The following HMCN1 variants were observed in gnomAD, a reference collection of about 807,000 sequenced individuals.
The protein encoded by HMCN1 is hemicentin 1.
A neutral mutation model predicts 625.9 loss-of-function variants in HMCN1; 321 were observed. That is an observed-to-expected ratio of 0.51 (90% CI 0.47 to 0.56). The LOEUF (loss-of-function observed/expected upper bound fraction) is 0.56, where lower values mean the gene tolerates loss of function less well. HMCN1 is among the 20% of genes least tolerant of loss of function. The pLI is 0.00. For missense variants in HMCN1, 6,588 were observed against 6,887.3 expected (o/e 0.96, Z 1.54); for synonymous variants, 2,425 against 2,417.6 (o/e 1.00, Z -0.09).
chr1:186,084,307 C>T (rs984531383), intron 57 of HMCN1, among the ~76,000 whole-genome samples: 15 of 152,028 alleles, frequency 9.9e-5, no homozygotes, highest in African/African-American at 3.4e-4. Flanking sequence ...TCTTCATAAT[C>T]ATTGCCTCTT....
intron 1 of HMCN1, among the ~76,000 whole-genome samples, chr1:185,755,904 T>C (rs1655105122): frequency 1.3e-5 from 2 of 152,090 alleles, no homozygotes; most frequent in South Asian, 2.1e-4. Context: ...ATCTTTCAAC[T>C]TGGGGTCTCA....
intron 29 of HMCN1, 25 bp downstream of exon 29, chr1:186,003,869 G>C (rs763398139): frequency 6.2e-7 from 1 of 1,610,726 alleles, no homozygotes; most frequent in East Asian, 2.2e-5. Flanking sequence ...TGTATTTGTT[G>C]CAAGGTTTCA....
chr1:185,973,800 A>C (rs1651001110), intron 15 of HMCN1, among the ~76,000 whole-genome samples: 2 of 152,112 alleles, frequency 1.3e-5, no homozygotes, highest in South Asian at 4.1e-4. Flanking sequence ...TACATCAAAC[A>C]AAAAGTTGGC....
chr1:185,994,597 T>C (rs1652657908), intron 23 of HMCN1, among the ~76,000 whole-genome samples: 1 of 152,152 alleles, frequency 6.6e-6, no homozygotes, highest in Non-Finnish European at 1.5e-5. Flanking sequence ...GTACTGGCAT[T>C]ACAGGCTATT....
intron 48 of HMCN1, among the ~76,000 whole-genome samples, chr1:186,064,076 G>A (rs1163241996): frequency 6.6e-6 from 1 of 152,024 alleles, no homozygotes; most frequent in East Asian, 1.9e-4. Flanking sequence ...TTTAAGAAAG[G>A]CAGATATAAA....
At chr1:185,775,434 T>A (rs188124442) in intron 1 of HMCN1, among the ~76,000 whole-genome samples, 2 of 152,214 alleles carry the variant, frequency 1.3e-5, no homozygotes, top group East Asian at 3.9e-4. Flanking sequence ...AAAAATGGAA[T>A]GAGTGAGTCT....
In HMCN1 at chr1:186,000,066, A is replaced by G. The variant is rs773647139; in HGVS notation, c.3896A>G (p.Lys1299Arg). The stretch of plus-strand genomic sequence containing the variant: ...TTAGGTACCCCTAAACCAACCATCA[A>G]ATGGTTACACAATGGTAGAGAGTTG... ...PAKGTPKPTI[K>R]WLHNGRELTG... The change falls in exon 26 of 107, where the codon AAA (lysine) becomes AGA (arginine). Residue 1299 changes from lysine (K) to arginine (R), a missense_variant. Around this residue, in one of 3 missense-constraint regions of HMCN1, gnomAD observed 4,628 missense variants for 4,853.1 expected, o/e 0.95. Coordinates refer to ENST00000271588, the MANE Select transcript of HMCN1 (RefSeq NM_031935.3). 1 of 1,611,982 alleles carries G rather than the reference A, an allele frequency of 6.2e-7. No homozygotes were observed. The highest frequency in any genetic ancestry group is 8.5e-7 in the Non-Finnish European group (1 of 1,178,498).
At chr1:185,942,240 A>C (rs1189954501) in intron 11 of HMCN1, among the ~76,000 whole-genome samples, 1 of 152,136 alleles carries the variant, frequency 6.6e-6, no homozygotes, top group Non-Finnish European at 1.5e-5. Flanking sequence ...TGAATGACTT[A>C]ATAAGTAATT....
intron 11 of HMCN1, among the ~76,000 whole-genome samples, chr1:185,946,888 A>C (rs1354134327): frequency 1.3e-5 from 2 of 152,226 alleles, no homozygotes; most frequent in African/African-American, 4.8e-5. Flanking sequence ...GGAAACAGAA[A>C]CTAGATTCTT....
chr1:185,873,309 C>G (rs140787107), intron 4 of HMCN1, among the ~76,000 whole-genome samples: 1 of 152,106 alleles, frequency 6.6e-6, no homozygotes, highest in South Asian at 2.1e-4. Flanking sequence ...CATTAAAAAT[C>G]CACACTGTCT....
chr1:185,906,555 A>G (rs1238168865), intron 4 of HMCN1, among the ~76,000 whole-genome samples: 2 of 151,932 alleles, frequency 1.3e-5, no homozygotes, highest in Non-Finnish European at 2.9e-5. Flanking sequence ...ACAGACAACA[A>G]GATAGCTTTC....
At chr1:185,802,485 C>G (rs934711969) in intron 1 of HMCN1, among the ~76,000 whole-genome samples, 1 of 152,034 alleles carries the variant, frequency 6.6e-6, no homozygotes, top group African/African-American at 2.4e-5. Context: ...AAGAATAGGC[C>G]TTTAGGAGCT....
chr1:186,184,848 T>C (rs1653181256), intron 105 of HMCN1, among the ~76,000 whole-genome samples: 1 of 152,202 alleles, frequency 6.6e-6, no homozygotes, highest in Non-Finnish European at 1.5e-5. Context: ...ATTTCAATCA[T>C]AATATTCTTA....
intron 97 of HMCN1, among the ~76,000 whole-genome samples, chr1:186,161,771 A>G (rs1386911402): frequency 1.3e-5 from 2 of 152,114 alleles, no homozygotes; most frequent in South Asian, 2.1e-4. Flanking sequence ...TGGCTTGTAG[A>G]GTTTCTGCTG....
Position 186,170,967 on chromosome 1 carries a change from G to A in HMCN1, c.15575-370G>A, listed in dbSNP as rs182926574. ...AGGGGAAGAAAGGACAATTGCAAAA[G>A]ACCTTAGTGTTGTTGGAGTTTTTTC... On this transcript the variant is annotated intron_variant, in intron 100 of 106. Transcript: ENST00000271588. Among the ~76,000 whole-genome samples, 59 of 152,310 alleles carry A rather than the reference G, an allele frequency of 3.9e-4. 1 individual carries two copies. Among genetic ancestry groups the A allele is most frequent in the African/African-American group, 1.3e-3 (52 of 41,576 alleles).
At chr1:186,156,855 A>G (rs72707466) in intron 97 of HMCN1, among the ~76,000 whole-genome samples, 13,488 of 152,230 alleles carry the variant, frequency 0.089, 1,631 homozygotes, top group African/African-American at 0.27. Context: ...AGTGCCTACT[A>G]TGTACTAAAC....
At chr1:186,015,115 G>A (rs1373104349) in intron 30 of HMCN1, 44 bp from the exon 31 acceptor site, 1 of 1,553,922 alleles carries the variant, frequency 6.4e-7, no homozygotes, top group Admixed American at 1.7e-5. Flanking sequence ...TGATGAAGAT[G>A]CTGAAACTTA....
At chr1:186,102,966 C>T (rs1660449608) in intron 68 of HMCN1, among the ~76,000 whole-genome samples, 1 of 151,910 alleles carries the variant, frequency 6.6e-6, no homozygotes. Context: ...GTGTTTTATA[C>T]AGAAATTATC....
intron 97 of HMCN1, among the ~76,000 whole-genome samples, chr1:186,161,065 C>G (rs1481922062): frequency 5.3e-5 from 8 of 152,134 alleles, no homozygotes; most frequent in South Asian, 2.1e-4. Context: ...AAGTCTCTTT[C>G]TAGGTCTCTA....
Sources: gnomAD v4.1 joint callset for allele counts (sites outside exome capture counted in the v4.1 genomes callset) on GRCh38, gnomAD v4.1.1 for gene constraint, gnomAD v4.1.1 regional missense constraint, MANE v1.5 for transcripts, NCBI Gene and HGNC (gene_info 2026-07-23, HGNC 2026-07-21) for gene names.